Variants in GLIPR1 observed in about 807,000 individuals in gnomAD.
GLIPR1 encodes the protein glioma pathogenesis-related protein 1.
GLIPR1 carries 38 observed loss-of-function variants against 30.3 expected under a neutral mutation model. That is an observed-to-expected ratio of 1.26 (90% CI 0.97 to 1.65). GLIPR1 has a LOEUF of 1.65. Ranked by LOEUF, GLIPR1 falls within the 40% of genes most tolerant of loss-of-function variation. The pLI, the probability that GLIPR1 is intolerant of heterozygous loss-of-function variation, is 0.00. For missense variants in GLIPR1, 285 were observed against 326.5 expected (o/e 0.87, Z 0.98); for synonymous variants, 122 against 110.6 (o/e 1.10, Z -0.65).
Position 75,500,017 on chromosome 12 carries a change from T to A in GLIPR1, c.*1039T>A. ...TTTACCAAGTAAAACAAAGAATATA[T>A]GTTTAACAAAGAATATATGTTTAAG... is the stretch of plus-strand genomic sequence containing the variant. On this transcript the variant is annotated 3_prime_UTR_variant, in exon 6 of 6. Coordinates refer to ENST00000266659, the MANE Select transcript of GLIPR1 (RefSeq NM_006851.3). 7.8e-7 allele frequency: 1 copy of A among 1,285,192 alleles called. No individual in the cohort carries two copies. The highest frequency in any genetic ancestry group is 1.1e-6 in the Non-Finnish European group (1 of 931,404). The allele number at this position is 1,285,192 out of a possible 1,614,324, so 79.6% of individuals were successfully genotyped here. A position where few individuals can be genotyped will look rare whatever the true frequency, so the allele number is the denominator to read the frequency against.
chr12:75,496,290 G>A (rs1428277412), intron 4 of GLIPR1: 2 of 152,138 alleles, frequency 1.3e-5, no homozygotes, highest in Non-Finnish European at 2.9e-5. Context: ...AGGAGGTGGA[G>A]GTTGCAGTGA....
intron 4 of GLIPR1, chr12:75,497,131 A>G (rs900097848): frequency 9.2e-5 from 14 of 152,200 alleles, no homozygotes; most frequent in African/African-American, 3.1e-4. Context: ...TGCAATTTCC[A>G]GTTTGACCAC....
Position 75,498,882 on chromosome 12 carries a change from T to C in GLIPR1, c.705T>C (p.Ser235=). 3 of 1,610,660 alleles carry C rather than the reference T, an allele frequency of 1.9e-6. No individual in the cohort carries two copies. The highest frequency in any genetic ancestry group is 2.5e-6 in the Non-Finnish European group (3 of 1,177,102). The part of the protein sequence containing the change: ...WPIYPRNRYT[S]LFLIVNSVIL... ...TATATCCACGTAACAGATACACTTC[T>C]CTCTTTCTCATTGTTAATTCAGTAA... The change falls in exon 6 of 6, where the codon TCT becomes TCC. Residue 235 remains serine (S), a synonymous_variant. Coordinates refer to ENST00000266659, the MANE Select transcript of GLIPR1 (RefSeq NM_006851.3).
Position 75,490,416 on chromosome 12 carries a change from C to T in GLIPR1, c.431C>T (p.Ala144Val). The part of the protein sequence containing the change: ...VCGHYTQVVW[A>V]DSYKVGCAVQ... ...CTTATTTCCTTTCAGGTTGTTTGGG[C>T]AGATAGTTACAAAGTTGGCTGCGCA... The change falls in exon 3 of 6, where the codon GCA (alanine) becomes GTA (valine). Residue 144 changes from alanine (A) to valine (V), a missense_variant. By Grantham distance (64) the Ala-to-Val change is moderately conservative (BLOSUM62 0). Transcript: ENST00000266659. 6.3e-7 allele frequency: 1 copy of T among 1,581,412 alleles called. No individual in the cohort carries two copies. The highest frequency in any genetic ancestry group is 1.1e-5 in the South Asian group (1 of 90,262).
chr12:75,485,903 G>A (rs1225758701), intron 2 of GLIPR1, among the ~76,000 whole-genome samples: 2 of 152,042 alleles, frequency 1.3e-5, no homozygotes, highest in African/African-American at 4.8e-5. Flanking sequence ...CCATACTCCC[G>A]ATAATGAACC....
At position 75,501,032 on chromosome 12, in the gene GLIPR1, T is replaced by C. The variant is rs574699876; in HGVS notation, c.*2054T>C. ...TTATATCTGTTTCTGACCCAGTCTA[T>C]GTACAATATTGCTGGTGAGCCCTCT... is the stretch of plus-strand genomic sequence containing the variant. On this transcript the variant is annotated 3_prime_UTR_variant, in exon 6 of 6. Coordinates refer to ENST00000266659, the MANE Select transcript of GLIPR1 (RefSeq NM_006851.3). 2 of 152,250 alleles carry C rather than the reference T, an allele frequency of 1.3e-5. No homozygotes were observed. The highest frequency in any genetic ancestry group is 1.9e-4 in the East Asian group (1 of 5,188). 9.4% of individuals were successfully genotyped at this position (152,250 alleles called of 1,614,324 possible). A position where few individuals can be genotyped will look rare whatever the true frequency, so the allele number is the denominator to read the frequency against.
intron 4 of GLIPR1, chr12:75,497,552 C>T (rs1011956777): frequency 6.6e-6 from 1 of 152,102 alleles, no homozygotes; most frequent in Non-Finnish European, 1.5e-5. Context: ...TTCTACTCTT[C>T]GCACTAATAC....
intron 2 of GLIPR1, among the ~76,000 whole-genome samples, chr12:75,482,999 T>C (rs1223253998): frequency 1.3e-5 from 2 of 152,140 alleles, no homozygotes; most frequent in Non-Finnish European, 2.9e-5. Flanking sequence ...GGCAGTTACA[T>C]TGAAACATTA....
At position 75,499,778 on chromosome 12, in the gene GLIPR1, A is replaced by AGATAGTTCTAG; in HGVS notation, c.*801_*811dup. 6.5e-7 allele frequency: 1 copy of AGATAGTTCTAG among 1,537,034 alleles called. No homozygotes were observed. The highest frequency in any genetic ancestry group is 8.8e-7 in the Non-Finnish European group (1 of 1,139,210). On this transcript the variant is annotated 3_prime_UTR_variant, in exon 6 of 6. Coordinates refer to ENST00000266659, the MANE Select transcript of GLIPR1 (RefSeq NM_006851.3). ...ATATCTCAAAATCCTTTACAAAAGG[A>AGATAGTTCTAG]GATAGTTCTAGTCAAGGAGTTTTGG...
intron 2 of GLIPR1, 62 bp from the exon 3 acceptor site, chr12:75,490,344 C>T: frequency 1.1e-6 from 1 of 919,648 alleles, no homozygotes; most frequent in Non-Finnish European, 1.8e-6. Flanking sequence ...TTATGAAGAC[C>T]TAATCATACC....
Position 75,501,893 on chromosome 12 carries a change from T to C in GLIPR1, c.*2915T>C. On this transcript the variant is annotated 3_prime_UTR_variant, in exon 6 of 6. Coordinates refer to ENST00000266659, the MANE Select transcript of GLIPR1 (RefSeq NM_006851.3). ...ATTCAAGTATCTATGAACTTTGCTATTCATGTGAGCCAGACATAAAGTGCC... is the reference window on the plus strand; with the variant it reads ...ATTCAAGTATCTATGAACTTTGCTACTCATGTGAGCCAGACATAAAGTGCC... 1 of 1,601,366 alleles carries C rather than the reference T, an allele frequency of 6.2e-7. No homozygotes were observed. Among genetic ancestry groups the C allele is most frequent in the East Asian group, 2.3e-5 (1 of 43,570 alleles).
chr12:75,498,701 A>G lies in GLIPR1; in HGVS notation c.627A>G (p.Arg209=). Residue 209 remains arginine (R), a synonymous_variant, in exon 5 of 6, where the codon CGA becomes CGG. Coordinates refer to ENST00000266659, the MANE Select transcript of GLIPR1 (RefSeq NM_006851.3). ...TTCCCCCTAACTTTACAGTTAACCGACAGCGAGACCAAGTCAAACGTACGT... is the reference window on the plus strand; with the variant it reads ...TTCCCCCTAACTTTACAGTTAACCGGCAGCGAGACCAAGTCAAACGTACGT... ...DKCLDNLCVN[R]QRDQVKRYYS... 1 of 1,612,778 alleles carries G rather than the reference A, an allele frequency of 6.2e-7. No individual in the cohort carries two copies. The highest frequency in any genetic ancestry group is 8.5e-7 in the Non-Finnish European group (1 of 1,178,980).
chr12:75,485,409 T>C (rs561513991), intron 2 of GLIPR1, among the ~76,000 whole-genome samples: 77 of 152,298 alleles, frequency 5.1e-4, no homozygotes, highest in African/African-American at 1.6e-3. Context: ...TTAATTAAAG[T>C]ATCTGGGCAG....
intron 2 of GLIPR1, chr12:75,489,631 T>G (rs1193056896): frequency 1.3e-5 from 2 of 152,196 alleles, no homozygotes; most frequent in African/African-American, 2.4e-5. Flanking sequence ...TCTCTTCCCC[T>G]CTTACCCTAC....
chr12:75,487,869 C>T (rs1378054549), intron 2 of GLIPR1: 3 of 448,284 alleles, frequency 6.7e-6, no homozygotes, highest in Admixed American at 2.4e-5. Context: ...AGAATGGCTA[C>T]TCCATAGACA....
At chr12:75,495,333 C>G in intron 3 of GLIPR1, 2 of 382,472 alleles carry the variant, frequency 5.2e-6, no homozygotes, top group East Asian at 8.3e-5. Flanking sequence ...AACTTCCTCT[C>G]AGAGCTGTCA....
chr12:75,494,581 T>A (rs2046339699), intron 3 of GLIPR1: 1 of 152,242 alleles, frequency 6.6e-6, no homozygotes, highest in Non-Finnish European at 1.5e-5. Context: ...TGGTTTCCTT[T>A]ATAATCCTAT....
At chr12:75,481,806 C>T in intron 1 of GLIPR1, 28 bp from the exon 2 acceptor site, 1 of 1,609,820 alleles carries the variant, frequency 6.2e-7, no homozygotes, top group East Asian at 2.2e-5. Flanking sequence ...CAGATGAACC[C>T]CCTATTGTTT....
chr12:75,498,923 T>G lies in GLIPR1; in HGVS notation c.746T>G (p.Val249Gly). 1 of 1,607,130 alleles carries G rather than the reference T, an allele frequency of 6.2e-7. No homozygotes were observed. The highest frequency in any genetic ancestry group is 8.5e-7 in the Non-Finnish European group (1 of 1,174,210). ...AATTCAGTAATTCTAATACTGTCTG[T>G]TATAATTACCATTTTGGTACAGCAC... ...IVNSVILILSVIITILVQHKY... is the reference protein window; with the variant it reads ...IVNSVILILSGIITILVQHKY... The change falls in exon 6 of 6, where the codon GTT (valine) becomes GGT (glycine). Residue 249 changes from valine (V) to glycine (G), a missense_variant. By Grantham distance (109) the Val-to-Gly change is moderately radical. Coordinates refer to ENST00000266659, the MANE Select transcript of GLIPR1 (RefSeq NM_006851.3).
Sources: gnomAD v4.1 joint callset for allele counts (sites outside exome capture counted in the v4.1 genomes callset) on GRCh38, gnomAD v4.1.1 for gene constraint, MANE v1.5 for transcripts, NCBI Gene and HGNC (gene_info 2026-07-23, HGNC 2026-07-21) for gene names.